Variants in TMPRSS15 observed in about 807,000 individuals in gnomAD.
TMPRSS15 encodes transmembrane serine protease 15, also known as enteropeptidase.
In TMPRSS15, 128 loss-of-function variants were observed where a neutral mutation model predicts 125.3. The observed-to-expected ratio is 1.02, with a 90% confidence interval of 0.89 to 1.18. The LOEUF is 1.18. TMPRSS15 is among the 50% of genes most tolerant of loss of function. The pLI, the probability that TMPRSS15 is intolerant of heterozygous loss-of-function variation, is 0.00. For synonymous variants in TMPRSS15, 446 were observed against 423.2 expected, an observed-to-expected ratio of 1.05 and a Z score of -0.66; for missense variants, 1,283 against 1,212.7, an observed-to-expected ratio of 1.06 and a Z score of -0.86.
chr21:18,355,303 T>C (rs569259515), intron 8 of TMPRSS15, among the ~76,000 whole-genome samples: 1 of 151,898 alleles, frequency 6.6e-6, no homozygotes, highest in East Asian at 1.9e-4. Flanking sequence ...ATGTGGTTGG[T>C]GGTTCAACCA....
chr21:18,445,895 A>C (rs1349824658), intron 1 of TMPRSS15, among the ~76,000 whole-genome samples: 2 of 152,228 alleles, frequency 1.3e-5, no homozygotes, highest in Admixed American at 1.3e-4. Flanking sequence ...TAAAATATGC[A>C]ACAAGACAAG....
chr21:18,437,075 T>C (rs10470206), intron 1 of TMPRSS15, among the ~76,000 whole-genome samples: 9,798 of 148,248 alleles, frequency 0.066, 665 homozygotes, highest in African/African-American at 0.16. Context: ...CTTCAAACTA[T>C]ACTACAAGGC....
chr21:18,381,040 G>A (rs1298569002), intron 4 of TMPRSS15, among the ~76,000 whole-genome samples: 1 of 152,066 alleles, frequency 6.6e-6, no homozygotes, highest in Non-Finnish European at 1.5e-5. Context: ...TTTGCACATA[G>A]AAGACAAAAG....
At chr21:18,463,340 T>A (rs1978589947) in intron 1 of TMPRSS15, among the ~76,000 whole-genome samples, 1 of 124,674 alleles carries the variant, frequency 8.0e-6, no homozygotes, top group South Asian at 2.7e-4. Flanking sequence ...CTAACAAAGA[T>A]CAAAAAAGAC....
At chr21:18,286,181 C>G (rs1454507335) in intron 21 of TMPRSS15, among the ~76,000 whole-genome samples, 3 of 152,136 alleles carry the variant, frequency 2.0e-5, no homozygotes, top group African/African-American at 7.2e-5. Flanking sequence ...TCCGTTCCTC[C>G]TCAGTCTTTT....
At chr21:18,354,037 T>A (rs1175456962) in intron 8 of TMPRSS15, among the ~76,000 whole-genome samples, 174 bp from the exon 9 acceptor site, 3 of 151,830 alleles carry the variant, frequency 2.0e-5, no homozygotes. Flanking sequence ...AATTAAAATA[T>A]CTCTTCTCTC....
At chr21:18,442,518 T>C (rs2076244633) in intron 1 of TMPRSS15, among the ~76,000 whole-genome samples, 1 of 152,220 alleles carries the variant, frequency 6.6e-6, no homozygotes, top group South Asian at 2.1e-4. Flanking sequence ...AAGTAATCAA[T>C]GCTAGGTTTT....
At chr21:18,293,439 A>T (rs2074862223) in intron 21 of TMPRSS15, among the ~76,000 whole-genome samples, 1 of 152,158 alleles carries the variant, frequency 6.6e-6, no homozygotes, top group Admixed American at 6.5e-5. Context: ...CACCTCACTG[A>T]CATAGGGACA....
intron 18 of TMPRSS15, among the ~76,000 whole-genome samples, chr21:18,312,271 A>C (rs1638824974): frequency 6.6e-6 from 1 of 151,944 alleles, no homozygotes; most frequent in South Asian, 2.1e-4. Flanking sequence ...TGGGAAGGTA[A>C]AAAACAAATA....
At chr21:18,482,672 T>C (rs148753767) in intron 1 of TMPRSS15, among the ~76,000 whole-genome samples, 11 of 151,868 alleles carry the variant, frequency 7.2e-5, no homozygotes, top group African/African-American at 2.2e-4. Context: ...GAAGAAATGA[T>C]ATGATTTTAC....
At chr21:18,337,149 C>T (rs1044440401) in intron 13 of TMPRSS15, among the ~76,000 whole-genome samples, 6 of 152,204 alleles carry the variant, frequency 3.9e-5, no homozygotes. Flanking sequence ...CCCCCTCAGC[C>T]TCCCAAAGTG....
chr21:18,383,585 T>C, intron 4 of TMPRSS15, 42 bp downstream of exon 4: 2 of 1,606,384 alleles, frequency 1.2e-6, no homozygotes, highest in Non-Finnish European at 1.7e-6. Context: ...TTTAATTTCA[T>C]AGCTTAATGA....
At chr21:18,430,855 G>C (rs555595357) in intron 1 of TMPRSS15, among the ~76,000 whole-genome samples, 1 of 152,240 alleles carries the variant, frequency 6.6e-6, no homozygotes, top group Admixed American at 6.5e-5. Flanking sequence ...TATGCAGCTA[G>C]ATTATTTACA....
chr21:18,328,404 G>A (rs575749360), intron 15 of TMPRSS15, among the ~76,000 whole-genome samples: 17 of 152,300 alleles, frequency 1.1e-4, no homozygotes, highest in African/African-American at 4.1e-4. Flanking sequence ...AATTTGAATA[G>A]TTTGAAGTAA....
At chr21:18,399,906 A>G (rs894265311) in intron 1 of TMPRSS15, among the ~76,000 whole-genome samples, 3 of 152,148 alleles carry the variant, frequency 2.0e-5, no homozygotes, top group African/African-American at 7.2e-5. Flanking sequence ...ATAAATGTAC[A>G]ATGTCAGTTG....
At position 18,269,954 on chromosome 21, in the gene TMPRSS15, A is replaced by C. The variant is rs2074533797; in HGVS notation, c.*15T>G. On this transcript the variant is annotated 3_prime_UTR_variant, in exon 25 of 25. Coordinates refer to ENST00000284885, the MANE Select transcript of TMPRSS15 (RefSeq NM_002772.3). ...GGAAAATAATGCGACTTTCCTGTTT[A>C]GTTTAAGAAATGCGCTAATGTAGAA... The C allele has an allele frequency of 6.2e-7, 1 of 1,613,466 alleles. No homozygotes were observed.
intron 1 of TMPRSS15, among the ~76,000 whole-genome samples, chr21:18,473,078 G>A (rs1183880533): frequency 6.6e-6 from 1 of 152,034 alleles, no homozygotes; most frequent in Non-Finnish European, 1.5e-5. Context: ...CCAAGGGAGA[G>A]AGGTAATAAA....
At chr21:18,279,220 G>A (rs2074660262) in intron 22 of TMPRSS15, among the ~76,000 whole-genome samples, 161 bp from the exon 23 acceptor site, 1 of 150,256 alleles carries the variant, frequency 6.7e-6, no homozygotes, top group Non-Finnish European at 1.5e-5. Flanking sequence ...TCGGTCTTAG[G>A]GGAAATAGGC....
At chr21:18,299,873 T>C (rs2074946829) in intron 18 of TMPRSS15, among the ~76,000 whole-genome samples, 1 of 152,184 alleles carries the variant, frequency 6.6e-6, no homozygotes, top group Non-Finnish European at 1.5e-5. Flanking sequence ...GCTATCTGTA[T>C]TTCACCAAGC....
Sources: gnomAD v4.1 joint callset for allele counts (sites outside exome capture counted in the v4.1 genomes callset) on GRCh38, gnomAD v4.1.1 for gene constraint, MANE v1.5 for transcripts, NCBI Gene and HGNC (gene_info 2026-07-23, HGNC 2026-07-21) for gene names.